Variants in ASB3 observed in about 807,000 individuals in gnomAD.
ASB3 encodes the protein ankyrin repeat and SOCS box protein 3.
ASB3 carries 41 observed loss-of-function variants against 54.5 expected under a neutral mutation model. That is an observed-to-expected ratio of 0.75 (90% confidence interval 0.59 to 0.98). The LOEUF (loss-of-function observed/expected upper bound fraction) is 0.98, where lower values mean the gene tolerates loss of function less well. Ranked by LOEUF, ASB3 falls within the 50% of genes least tolerant of loss-of-function variation. The pLI, the probability that ASB3 is intolerant of heterozygous loss-of-function variation, is 0.00. For synonymous variants in ASB3, 266 were observed against 221.2 expected (o/e 1.20, Z -1.80); for missense variants, 733 against 620.0 (o/e 1.18, Z -1.94).
intron 8 of ASB3, chr2:53,694,630 C>A (rs189016900): frequency 2.0e-5 from 3 of 152,224 alleles, no homozygotes; most frequent in Admixed American, 6.6e-5. Flanking sequence ...AGATTCCCTA[C>A]CAACCCACTC....
intron 3 of ASB3, among the ~76,000 whole-genome samples, chr2:53,743,002 G>C (rs1672017644): frequency 6.6e-6 from 1 of 152,112 alleles, no homozygotes; most frequent in Non-Finnish European, 1.5e-5. Context: ...GTCACAAAAA[G>C]AGAAGAAAAT....
chr2:53,696,085 T>C (rs919203979), intron 8 of ASB3, among the ~76,000 whole-genome samples: 2 of 152,212 alleles, frequency 1.3e-5, no homozygotes, highest in Non-Finnish European at 2.9e-5. Flanking sequence ...ACATTGGCTT[T>C]ACCCATTCAA....
intron 1 of ASB3, chr2:53,774,889 G>C (rs890037811): frequency 6.0e-6 from 1 of 166,244 alleles, no homozygotes; most frequent in Non-Finnish European, 1.3e-5. Context: ...ATAAATATAA[G>C]GTTATGCCTT....
chr2:53,694,909 A>T (rs1406960344), intron 8 of ASB3, among the ~76,000 whole-genome samples: 3 of 152,188 alleles, frequency 2.0e-5, no homozygotes, highest in Non-Finnish European at 4.4e-5. Context: ...ACCAGAAACG[A>T]TTTGAAAACT....
At chr2:53,750,742 A>T (rs1220566673) in intron 3 of ASB3, 41 bp downstream of exon 3, 1 of 1,435,138 alleles carries the variant, frequency 7.0e-7, no homozygotes, top group Non-Finnish European at 9.2e-7. Context: ...AAAAATAATA[A>T]TGATGAAAAA....
rs556121614 is a variant in ASB3, at chr2:53,751,028, G to T, written c.197-87C>A. ...GCAAAGATTCCAAGAGGAATTTAAT[G>T]AACTATTAAAATGTAAGTAATGTAT... On this transcript the variant is annotated intron_variant, in intron 2 of 9. Coordinates refer to ENST00000263634, the MANE Select transcript of ASB3 (RefSeq NM_016115.5). 4 of 1,363,286 alleles carry T rather than the reference G, an allele frequency of 2.9e-6. No individual in the cohort carries two copies. The South Asian group carries it at 6.3e-5, about 22-fold the overall frequency. 84.4% of individuals were successfully genotyped at this position (1,363,286 alleles called of 1,614,324 possible).
At chr2:53,762,169 A>G (rs1413222777) in intron 2 of ASB3, among the ~76,000 whole-genome samples, 5 of 138,944 alleles carry the variant, frequency 3.6e-5, no homozygotes, top group Non-Finnish European at 6.4e-5. Context: ...GAAGTGATCT[A>G]ACTGTGTGTG....
intron 4 of ASB3, 108 bp from the exon 5 acceptor site, chr2:53,728,955 ACTTGAAGG>A: frequency 7.6e-7 from 1 of 1,316,636 alleles, no homozygotes; most frequent in Non-Finnish European, 1.0e-6. Context: ...CTAAAGGATA[ACTTGAAGG>A]AAAAAACAAA....
intron 9 of ASB3, among the ~76,000 whole-genome samples, chr2:53,680,056 C>T (rs139691161): frequency 2.5e-4 from 38 of 152,280 alleles, no homozygotes; most frequent in African/African-American, 8.7e-4. Context: ...ACCTCTGTTC[C>T]TGCAAAGGAC....
At chr2:53,692,895 G>T (rs182785588) in intron 9 of ASB3, among the ~76,000 whole-genome samples, 1 of 152,252 alleles carries the variant, frequency 6.6e-6, no homozygotes, top group Non-Finnish European at 1.5e-5. Flanking sequence ...TATACTAGAA[G>T]GCTGAAAGAC....
At chr2:53,774,183 G>A (rs1289262563) in intron 1 of ASB3, 8 of 1,612,548 alleles carry the variant, frequency 5.0e-6, no homozygotes, top group African/African-American at 1.3e-5. Flanking sequence ...CAGTAGGAAA[G>A]GAAGAAGAAG....
At chr2:53,780,858 A>T (rs1461034099) in intron 1 of ASB3, among the ~76,000 whole-genome samples, 1 of 152,246 alleles carries the variant, frequency 6.6e-6, no homozygotes, top group East Asian at 1.9e-4. Flanking sequence ...AATCAGAGAA[A>T]GCTTCATAGA....
intron 3 of ASB3, among the ~76,000 whole-genome samples, chr2:53,733,842 G>A (rs1185429146): frequency 6.6e-6 from 1 of 152,188 alleles, no homozygotes; most frequent in Admixed American, 6.5e-5. Context: ...TGAAAGCCTT[G>A]AACAGAGATT....
At chr2:53,736,928 G>A (rs1160504751) in intron 3 of ASB3, among the ~76,000 whole-genome samples, 2 of 152,078 alleles carry the variant, frequency 1.3e-5, no homozygotes, top group Non-Finnish European at 2.9e-5. Flanking sequence ...AGGTTGCAGT[G>A]AGCCGAGATC....
chr2:53,750,680 G>C, intron 3 of ASB3, 103 bp downstream of exon 3: 1 of 1,254,674 alleles, frequency 8.0e-7, no homozygotes, highest in East Asian at 2.8e-5. Context: ...GTTGCCAAAA[G>C]AACATACTAT....
intron 5 of ASB3, among the ~76,000 whole-genome samples, chr2:53,726,855 G>T (rs1404349657): frequency 6.6e-6 from 1 of 151,606 alleles, no homozygotes; most frequent in Non-Finnish European, 1.5e-5. Context: ...CACCACACCG[G>T]GCTAATTTTT....
chr2:53,767,789 C>T, intron 1 of ASB3: 2 of 1,477,442 alleles, frequency 1.4e-6, no homozygotes, highest in Admixed American at 4.5e-5. Context: ...GCGCCTGCGC[C>T]CCGCGCGGCC....
intron 7 of ASB3, among the ~76,000 whole-genome samples, chr2:53,706,543 T>C (rs1669782440): frequency 2.0e-5 from 3 of 152,112 alleles, no homozygotes; most frequent in Admixed American, 2.0e-4. Context: ...CCTCCCCGGT[T>C]CACGCCATTC....
intron 3 of ASB3, among the ~76,000 whole-genome samples, chr2:53,736,381 G>T (rs890886503): frequency 6.6e-6 from 1 of 152,172 alleles, no homozygotes; most frequent in African/African-American, 2.4e-5. Flanking sequence ...TCATATCCAG[G>T]TGGTGGTGAC....
Sources: gnomAD v4.1 joint callset for allele counts (sites outside exome capture counted in the v4.1 genomes callset) on GRCh38, gnomAD v4.1.1 for gene constraint, MANE v1.5 for transcripts, NCBI Gene and HGNC (gene_info 2026-07-23, HGNC 2026-07-21) for gene names.